The following CTNNA3 variants were observed in gnomAD, a reference collection of about 807,000 sequenced individuals.
The protein encoded by CTNNA3 is catenin alpha 3, also known as catenin alpha-3.
A neutral mutation model predicts 95.7 loss-of-function variants in CTNNA3; 76 were observed. The ratio of observed to expected loss-of-function variants is 0.79; its 90% confidence interval spans 0.66 to 0.96. The LOEUF is 0.96. Ranked by LOEUF, CTNNA3 falls within the 40% of genes least tolerant of loss-of-function variation. CTNNA3 has a pLI of 0.00. For synonymous variants in CTNNA3, 431 were observed against 374.4 expected (o/e 1.15, Z -1.74); for missense variants, 1,191 against 1,089.8 (o/e 1.09, Z -1.31).
intron 9 of CTNNA3, among the ~76,000 whole-genome samples, chr10:66,670,050 G>A (rs929838418): frequency 6.6e-6 from 1 of 152,072 alleles, no homozygotes; most frequent in Non-Finnish European, 1.5e-5. Flanking sequence ...GAGATTCATG[G>A]TATAGAAATC....
chr10:67,019,605 A>T (rs1015414989), intron 7 of CTNNA3, among the ~76,000 whole-genome samples: 49 of 152,344 alleles, frequency 3.2e-4, no homozygotes, highest in African/African-American at 1.1e-3. Context: ...TGGAGTACAA[A>T]GAGGTTGAGT....
At chr10:67,110,100 A>T (rs1858842814) in intron 7 of CTNNA3, among the ~76,000 whole-genome samples, 1 of 152,162 alleles carries the variant, frequency 6.6e-6, no homozygotes, top group Non-Finnish European at 1.5e-5. Context: ...CACTCTAGAT[A>T]GTTTTCTACA....
chr10:66,492,900 A>AT (rs948639585), intron 11 of CTNNA3, among the ~76,000 whole-genome samples: 9 of 151,946 alleles, frequency 5.9e-5, no homozygotes, highest in African/African-American at 2.2e-4. Flanking sequence ...ATGGTTCTGC[A>AT]TTTTTTTCCT....
At chr10:66,644,713 A>C (rs1393756995) in intron 9 of CTNNA3, among the ~76,000 whole-genome samples, 1 of 80,908 alleles carries the variant, frequency 1.2e-5, no homozygotes, top group African/African-American at 6.4e-5. Context: ...TAACTCACTG[A>C]TCTTATTTTT....
intron 13 of CTNNA3, among the ~76,000 whole-genome samples, chr10:66,164,008 GA>G (rs1263049138): frequency 4.6e-5 from 7 of 152,112 alleles, no homozygotes; most frequent in Non-Finnish European, 7.4e-5. Flanking sequence ...AGCAACATGG[GA>G]GAAAGCATAA....
chr10:65,986,810 T>C (rs2078437133), intron 16 of CTNNA3, among the ~76,000 whole-genome samples: 1 of 151,374 alleles, frequency 6.6e-6, no homozygotes, highest in African/African-American at 2.4e-5. Context: ...CTTCAAAATA[T>C]GTTACAAAGA....
chr10:67,670,032 G>A (rs924391339), intron 1 of CTNNA3, among the ~76,000 whole-genome samples: 3 of 152,166 alleles, frequency 2.0e-5, no homozygotes, highest in African/African-American at 4.8e-5. Context: ...TTTTTTGGAA[G>A]AGTGGGTATA....
chr10:67,538,026 T>A (rs1840538357), intron 4 of CTNNA3, among the ~76,000 whole-genome samples: 1 of 151,994 alleles, frequency 6.6e-6, no homozygotes, highest in Middle Eastern at 3.4e-3. Context: ...GTTCAGTAAT[T>A]TGTCTATGGT....
intron 2 of CTNNA3, among the ~76,000 whole-genome samples, chr10:67,616,341 C>T (rs1843656156): frequency 6.6e-6 from 1 of 152,154 alleles, no homozygotes; most frequent in African/African-American, 2.4e-5. Flanking sequence ...TTTAAAGCAT[C>T]ATTCTAAATG....
At chr10:67,199,646 G>A (rs1226981881) in intron 6 of CTNNA3, among the ~76,000 whole-genome samples, 1 of 152,124 alleles carries the variant, frequency 6.6e-6, no homozygotes, top group Non-Finnish European at 1.5e-5. Context: ...TGGGATTACA[G>A]ACGTGAAGGT....
chr10:67,416,356 C>T (rs993847123), intron 5 of CTNNA3, among the ~76,000 whole-genome samples: 15 of 232 alleles, frequency 0.065, no homozygotes, highest in African/African-American at 0.23. Context: ...GCCTGTAATC[C>T]CAGCACCTTT....
At chr10:67,396,521 G>C (rs1589251053) in intron 5 of CTNNA3, among the ~76,000 whole-genome samples, 1 of 152,184 alleles carries the variant, frequency 6.6e-6, no homozygotes, top group Non-Finnish European at 1.5e-5. Context: ...CAGATTTTCA[G>C]CTGCATATAA....
At chr10:67,134,929 C>T (rs180752961) in intron 7 of CTNNA3, among the ~76,000 whole-genome samples, 157 of 152,166 alleles carry the variant, frequency 1.0e-3, no homozygotes, top group African/African-American at 3.4e-3. Flanking sequence ...CCACTACCAC[C>T]GCTGAGACCC....
At chr10:67,270,158 A>G (rs1007910867) in intron 5 of CTNNA3, among the ~76,000 whole-genome samples, 2 of 151,882 alleles carry the variant, frequency 1.3e-5, no homozygotes, top group Non-Finnish European at 2.9e-5. Context: ...CTGAAAATAC[A>G]GAACCTGATT....
At chr10:66,661,096 T>A (rs2132442566) in intron 9 of CTNNA3, among the ~76,000 whole-genome samples, 1 of 152,274 alleles carries the variant, frequency 6.6e-6, no homozygotes, top group South Asian at 2.1e-4. Context: ...GAAATATATA[T>A]TTTTTGATAC....
chr10:67,652,067 A>G (rs557452057), intron 1 of CTNNA3, among the ~76,000 whole-genome samples: 57 of 152,344 alleles, frequency 3.7e-4, no homozygotes, highest in African/African-American at 1.4e-3. Context: ...GTACTGGCCC[A>G]TCTGGTGTCT....
At chr10:67,689,625 G>T (rs1840802928) in intron 1 of CTNNA3, among the ~76,000 whole-genome samples, 1 of 152,066 alleles carries the variant, frequency 6.6e-6, no homozygotes, top group East Asian at 1.9e-4. Flanking sequence ...TCCACTCATG[G>T]CCGCAGGGTC....
chr10:66,565,328 A>G (rs1279223593), intron 10 of CTNNA3, among the ~76,000 whole-genome samples: 5 of 152,074 alleles, frequency 3.3e-5, no homozygotes, highest in African/African-American at 1.2e-4. Context: ...GAGAGAAATA[A>G]GTAAAATGTG....
At chr10:67,157,525 A>G (rs1774077690) in intron 7 of CTNNA3, among the ~76,000 whole-genome samples, 1 of 152,220 alleles carries the variant, frequency 6.6e-6, no homozygotes, top group Admixed American at 6.5e-5. Flanking sequence ...GGGCATCAAT[A>G]GGAAAAGACT....
Sources: allele counts gnomAD v4.1 joint callset (sites outside exome capture counted in the v4.1 genomes callset), GRCh38; gene constraint gnomAD v4.1.1; transcripts MANE v1.5; gene names NCBI Gene and HGNC (gene_info 2026-07-23, HGNC 2026-07-21).